Variants in SLC25A36 observed in about 807,000 individuals in gnomAD.
SLC25A36 encodes the protein epididymis secretory sperm binding protein.
SLC25A36 carries 24 observed loss-of-function variants against 35.3 expected under a neutral mutation model. The ratio of observed to expected loss-of-function variants is 0.68; its 90% CI spans 0.49 to 0.96. The LOEUF (loss-of-function observed/expected upper bound fraction) is 0.96. Among genes scored for constraint, SLC25A36 ranks in the 40% least tolerant of loss-of-function variants. The probability of loss-of-function intolerance (pLI) is 0.00; values close to 1 mark genes in which losing one functional copy is unlikely to be tolerated. For missense variants in SLC25A36, 294 were observed against 381.1 expected, an observed-to-expected ratio of 0.77 and a Z score of 1.90; for synonymous variants, 141 against 132.2, an observed-to-expected ratio of 1.07 and a Z score of -0.46.
At chr3:140,959,382 G>A in intron 2 of SLC25A36, 81 bp from the exon 3 acceptor site, 2 of 777,046 alleles carry the variant, frequency 2.6e-6, no homozygotes, top group East Asian at 3.3e-5. Flanking sequence ...ACTGGATTTA[G>A]ACTCTAACTT....
chr3:140,967,544 T>C (rs1420038523), intron 4 of SLC25A36, among the ~76,000 whole-genome samples: 1 of 151,872 alleles, frequency 6.6e-6, no homozygotes, highest in African/African-American at 2.4e-5. Context: ...GTGGTGTTAA[T>C]ACATTTAGGA....
Position 140,980,960 on chromosome 3 carries a change from T to G in SLC25A36, c.*4507T>G, listed in dbSNP as rs1935167254. Among the ~76,000 whole-genome samples the G allele has an allele frequency of 6.6e-6, 1 of 152,166 alleles. No individual in the cohort carries two copies. ...ATGTGATTTCTTAATAGCCTATAGA[T>G]CCAATAAATACAGAGGAATATTAGT... is the stretch of plus-strand genomic sequence containing the variant. On this transcript the variant is annotated 3_prime_UTR_variant, in exon 7 of 7. Coordinates refer to ENST00000324194, the MANE Select transcript of SLC25A36 (RefSeq NM_001104647.3).
Position 140,941,976 on chromosome 3 carries a change from C to T in SLC25A36, c.-79C>T. 3.7e-6 allele frequency: 3 copies of T among 800,028 alleles called. No homozygotes were observed. The highest frequency in any genetic ancestry group is 6.2e-6 in the Non-Finnish European group (3 of 485,978). 49.6% of individuals were successfully genotyped at this position (800,028 alleles called of 1,614,324 possible). On this transcript the variant is annotated 5_prime_UTR_variant, in exon 1 of 7. Transcript: ENST00000324194. ...CCCGGGGCGCTGTGCGTCTCCAGTCCGGGACCGAAGCCGCCTGCCGTAGCG... is the reference window on the plus strand; with the variant it reads ...CCCGGGGCGCTGTGCGTCTCCAGTCTGGGACCGAAGCCGCCTGCCGTAGCG...
At chr3:140,962,419 G>A (rs776410917) in intron 3 of SLC25A36, among the ~76,000 whole-genome samples, 3 of 152,132 alleles carry the variant, frequency 2.0e-5, no homozygotes, top group Admixed American at 1.3e-4. Flanking sequence ...ATCGTAGTCA[G>A]TAAGTTAACA....
intron 2 of SLC25A36, among the ~76,000 whole-genome samples, chr3:140,957,550 TG>T (rs1934509264): frequency 6.6e-6 from 1 of 152,204 alleles, no homozygotes; most frequent in South Asian, 2.1e-4. Flanking sequence ...GAGACCAGCC[TG>T]GCCAACATGG....
intron 6 of SLC25A36, among the ~76,000 whole-genome samples, chr3:140,974,790 T>C (rs1934994075): frequency 6.6e-6 from 1 of 152,156 alleles, no homozygotes; most frequent in Non-Finnish European, 1.5e-5. Flanking sequence ...TTGTATATTA[T>C]ATCAGGAAAA....
chr3:140,975,212 A>T (rs1007417375), intron 6 of SLC25A36, among the ~76,000 whole-genome samples: 1 of 143,484 alleles, frequency 7.0e-6, no homozygotes, highest in African/African-American at 2.6e-5. Flanking sequence ...GGCTCAATTA[A>T]TCCTCCTGCC....
At chr3:140,972,439 T>C (rs1351366410) in intron 5 of SLC25A36, among the ~76,000 whole-genome samples, 2 of 151,800 alleles carry the variant, frequency 1.3e-5, no homozygotes, top group African/African-American at 4.8e-5. Context: ...GGCAGGAGGA[T>C]TGCTTGAGGC....
chr3:140,959,420 C>A, intron 2 of SLC25A36, 43 bp from the exon 3 acceptor site: 2 of 1,062,922 alleles, frequency 1.9e-6, no homozygotes, highest in Non-Finnish European at 2.7e-6. Flanking sequence ...AAGTACCAGA[C>A]TTTGAAAGAT....
intron 3 of SLC25A36, among the ~76,000 whole-genome samples, chr3:140,962,420 T>G (rs979938283): frequency 2.6e-5 from 4 of 152,176 alleles, no homozygotes; most frequent in Admixed American, 6.5e-5. Flanking sequence ...TCGTAGTCAG[T>G]AAGTTAACAA....
intron 4 of SLC25A36, chr3:140,968,811 A>G: frequency 8.4e-6 from 5 of 592,184 alleles, no homozygotes; most frequent in Non-Finnish European, 8.5e-6. Flanking sequence ...TTCTTTTCAA[A>G]TAAGTATAAT....
chr3:140,946,327 C>G (rs943088519), intron 1 of SLC25A36, among the ~76,000 whole-genome samples: 1 of 152,154 alleles, frequency 6.6e-6, no homozygotes, highest in African/African-American at 2.4e-5. Flanking sequence ...CCCAGTAAGA[C>G]CCTAGCCCTG....
intron 1 of SLC25A36, among the ~76,000 whole-genome samples, chr3:140,943,279 C>T (rs1269167792): frequency 6.6e-6 from 1 of 152,208 alleles, no homozygotes; most frequent in Non-Finnish European, 1.5e-5. Flanking sequence ...GTTCTATTCA[C>T]GGTGCCTTGC....
chr3:140,969,329 A>G (rs1258432388), intron 4 of SLC25A36, among the ~76,000 whole-genome samples: 1 of 151,846 alleles, frequency 6.6e-6, no homozygotes, highest in Admixed American at 6.6e-5. Context: ...ATTTAAAAAG[A>G]TGTTCCTGGC....
chr3:140,942,161 G>T, intron 1 of SLC25A36, 66 bp downstream of exon 1: 1 of 252,460 alleles, frequency 4.0e-6, no homozygotes, highest in Non-Finnish European at 7.2e-6. Context: ...CAGGCGAGGG[G>T]GGCGAGGGGG....
intron 1 of SLC25A36, 97 bp downstream of exon 1, chr3:140,942,192 G>GGGGGGGTC (rs1454427341): frequency 7.4e-6 from 1 of 135,724 alleles, no homozygotes; most frequent in Non-Finnish European, 1.6e-5. Context: ...GTGGGGGGGT[G>GGGGGGGTC]GGGGGGCGGG....
chr3:140,948,038 C>T (rs1934213575), intron 1 of SLC25A36, among the ~76,000 whole-genome samples: 1 of 152,152 alleles, frequency 6.6e-6, no homozygotes, highest in East Asian at 1.9e-4. Flanking sequence ...ACTGCAACCT[C>T]CACCTCCTAG....
At position 140,970,941 on chromosome 3, in the gene SLC25A36, A is replaced by G; in HGVS notation, c.400A>G (p.Thr134Ala). 1 of 1,509,536 alleles carries G rather than the reference A, an allele frequency of 6.6e-7. No individual in the cohort carries two copies. Among genetic ancestry groups the G allele is most frequent in the Non-Finnish European group, 9.2e-7 (1 of 1,086,028 alleles). 93.5% of individuals were successfully genotyped at this position (1,509,536 alleles called of 1,614,324 possible). A position where few individuals can be genotyped will look rare whatever the true frequency, so the allele number is the denominator to read the frequency against. ...SAAMAGFTAI[T>A]ATNPIWLIKT... ...TGTTTGTTTAGGTTTTACTGCAATCACAGCAACCAACCCCATTTGGCTTAT... is the reference window on the plus strand; with the variant it reads ...TGTTTGTTTAGGTTTTACTGCAATCGCAGCAACCAACCCCATTTGGCTTAT... Residue 134 changes from threonine to alanine, a missense_variant, in exon 5 of 7, where the codon ACA (threonine) becomes GCA (alanine). Around this residue, in one of 2 missense-constraint regions of SLC25A36, gnomAD observed 185 missense variants for 201.5 expected, o/e 0.92. Transcript: ENST00000324194.
At position 140,946,863 on chromosome 3, in the gene SLC25A36, G is replaced by A. The variant is rs146435152; in HGVS notation, c.41+4768G>A. ...TTACTAGCCTGGAGTCCAGGAAAGA[G>A]GATTGGACTAGGGATATATATTTAG... On this transcript the variant is annotated intron_variant, in intron 1 of 6. Transcript: ENST00000324194. Among the ~76,000 whole-genome samples the A allele has an allele frequency of 1.2e-3, 184 of 152,264 alleles. 1 individual carries two copies. The highest frequency in any genetic ancestry group is 4.2e-3 in the African/African-American group (173 of 41,546).
Sources: gnomAD v4.1 joint callset for allele counts (sites outside exome capture counted in the v4.1 genomes callset) on GRCh38, gnomAD v4.1.1 for gene constraint, gnomAD v4.1.1 regional missense constraint, MANE v1.5 for transcripts, NCBI Gene and HGNC (gene_info 2026-07-23, HGNC 2026-07-21) for gene names.